SEL1L2: variants seen among roughly 807,000 people sequenced by gnomAD.
SEL1L2 encodes the protein protein sel-1 homolog 2.
SEL1L2 carries 89 observed loss-of-function variants against 98.8 expected under a neutral mutation model. That is an observed-to-expected ratio of 0.90 (90% confidence interval 0.76 to 1.07). SEL1L2 has a LOEUF of 1.07. Among genes scored for constraint, SEL1L2 ranks in the 50% least tolerant of loss-of-function variants. The pLI, the probability that SEL1L2 is intolerant of heterozygous loss-of-function variation, is 0.00. For synonymous variants in SEL1L2, 262 were observed against 278.5 expected, an observed-to-expected ratio of 0.94 and a Z score of 0.59; for missense variants, 788 against 812.0, an observed-to-expected ratio of 0.97 and a Z score of 0.36.
intron 5 of SEL1L2, among the ~76,000 whole-genome samples, chr20:13,897,936 CT>C (rs201309657): frequency 0.02 from 3,042 of 151,572 alleles, 49 homozygotes; most frequent in Non-Finnish European, 0.031. Context: ...AAGATGGCCA[CT>C]ATAAACACAC....
intron 5 of SEL1L2, among the ~76,000 whole-genome samples, chr20:13,892,145 T>C (rs942884260): frequency 6.6e-6 from 1 of 152,158 alleles, no homozygotes; most frequent in Admixed American, 6.5e-5. Context: ...ATCAGTTTAA[T>C]ATAGATTGTT....
intron 1 of SEL1L2, among the ~76,000 whole-genome samples, chr20:13,958,191 AAAT>A (rs978969083): frequency 7.2e-5 from 11 of 152,294 alleles, no homozygotes; most frequent in Admixed American, 7.2e-4. Context: ...TATGATAATT[AAAT>A]GAGATCGTTT....
At chr20:13,893,936 T>C (rs76783723) in intron 5 of SEL1L2, among the ~76,000 whole-genome samples, 4,671 of 151,100 alleles carry the variant, frequency 0.031, 115 homozygotes, top group Middle Eastern at 0.065. Context: ...AACAAATGAG[T>C]CAAAGAAGAA....
chr20:13,920,789 G>T (rs2048632272), intron 3 of SEL1L2, among the ~76,000 whole-genome samples: 1 of 152,002 alleles, frequency 6.6e-6, no homozygotes, highest in Non-Finnish European at 1.5e-5. Context: ...AGCAATCAGA[G>T]TTGCTCATTT....
At chr20:13,896,635 AG>A (rs1301801812) in intron 5 of SEL1L2, among the ~76,000 whole-genome samples, 1 of 152,208 alleles carries the variant, frequency 6.6e-6, no homozygotes, top group Non-Finnish European at 1.5e-5. Flanking sequence ...AATCCAAGGA[AG>A]AAAAGAAAAC....
intron 3 of SEL1L2, among the ~76,000 whole-genome samples, chr20:13,926,656 G>C (rs2048921157): frequency 3.3e-5 from 5 of 152,226 alleles, no homozygotes; most frequent in Admixed American, 3.3e-4. Flanking sequence ...TCTAGAGACT[G>C]TACTCCAGCA....
chr20:13,921,296 C>G (rs534633044), intron 3 of SEL1L2, among the ~76,000 whole-genome samples: 1 of 152,116 alleles, frequency 6.6e-6, no homozygotes, highest in Non-Finnish European at 1.5e-5. Context: ...CCTCAGCCTC[C>G]GAGTAGCTGG....
chr20:13,887,831 C>G lies in SEL1L2; in HGVS notation c.683G>C (p.Gly228Ala). The change falls in exon 8 of 20, where the codon GGA (glycine) becomes GCA (alanine). Residue 228 changes from glycine (G) to alanine (A), a missense_variant. Transcript: ENST00000284951. ...TTCACAATTCTGTAGAACATTGATT[C>G]CCGACAAATATCTGTACCCCTAAAA... is the stretch of plus-strand genomic sequence containing the variant. ...QMILGYRYLS[G>A]INVLQNCEVA... 2 of 1,613,372 alleles carry G rather than the reference C, an allele frequency of 1.2e-6. No individual in the cohort carries two copies. Among genetic ancestry groups the G allele is most frequent in the Non-Finnish European group, 1.7e-6 (2 of 1,179,564 alleles).
At chr20:13,988,093 T>G (rs78489913) in intron 1 of SEL1L2, among the ~76,000 whole-genome samples, 23,058 of 152,220 alleles carry the variant, frequency 0.15, 1,939 homozygotes, top group Admixed American at 0.22. Flanking sequence ...TCTAAGAGTT[T>G]TAAATCTTTA....
intron 5 of SEL1L2, among the ~76,000 whole-genome samples, chr20:13,908,262 C>T (rs536746412): frequency 6.6e-6 from 1 of 151,778 alleles, no homozygotes. Flanking sequence ...GACCAACAGG[C>T]ATGCACCATC....
chr20:13,867,016 A>C (rs1221922231), intron 14 of SEL1L2, among the ~76,000 whole-genome samples, 166 bp from the exon 15 acceptor site: 1 of 152,172 alleles, frequency 6.6e-6, no homozygotes, highest in Non-Finnish European at 1.5e-5. Context: ...GGGGGTGAAC[A>C]CTGAGTTTGG....
chr20:13,906,095 C>T lies in SEL1L2; in HGVS notation c.549+7687G>A, dbSNP rs138028267. ...TTCACTATGTTGGCCAGGCTGGTCT[C>T]GAACTCCTGACCTAAAATGATCTGC... On this transcript the variant is annotated intron_variant, in intron 5 of 19. Transcript: ENST00000284951. 7.1e-3 allele frequency among the ~76,000 whole-genome samples: 1,081 copies of T among 152,008 alleles called. 20 individuals are homozygous for T. The highest frequency in any genetic ancestry group is 0.027 in the Middle Eastern group (8 of 292).
intron 1 of SEL1L2, among the ~76,000 whole-genome samples, chr20:13,988,320 G>A (rs144059043): frequency 2.6e-5 from 4 of 152,178 alleles, no homozygotes; most frequent in Middle Eastern, 3.4e-3. Context: ...TTACAGATAC[G>A]AACCATTGTG....
intron 10 of SEL1L2, among the ~76,000 whole-genome samples, chr20:13,884,830 C>A (rs2046878253): frequency 6.6e-6 from 1 of 152,066 alleles, no homozygotes; most frequent in South Asian, 2.1e-4. Flanking sequence ...TTTAACCTCA[C>A]TGGGATAAGG....
chr20:13,901,050 T>C (rs1008938851), intron 5 of SEL1L2, among the ~76,000 whole-genome samples: 4 of 151,236 alleles, frequency 2.6e-5, no homozygotes, highest in Non-Finnish European at 1.5e-5. Flanking sequence ...TTTTTCCTTT[T>C]CTTTTTCTTT....
intron 14 of SEL1L2, among the ~76,000 whole-genome samples, chr20:13,867,763 A>G (rs1445154892): frequency 6.6e-6 from 1 of 152,110 alleles, no homozygotes; most frequent in East Asian, 1.9e-4. Context: ...AGCCATGACT[A>G]TTTTTCTTAT....
At chr20:13,929,156 C>T (rs1011910708) in intron 3 of SEL1L2, among the ~76,000 whole-genome samples, 2 of 152,170 alleles carry the variant, frequency 1.3e-5, no homozygotes, top group African/African-American at 2.4e-5. Context: ...GCCTGTTCTC[C>T]CTGAGAGCCT....
intron 5 of SEL1L2, 55 bp from the exon 6 acceptor site, chr20:13,888,567 C>A: frequency 1.1e-6 from 1 of 875,622 alleles, no homozygotes; most frequent in South Asian, 1.5e-5. Flanking sequence ...TCCTAATTAT[C>A]TATATGGATA....
rs537530494 is a variant in SEL1L2 at position 13,896,462 on chromosome 20, G to A, written c.550-7950C>T. Among the ~76,000 whole-genome samples the A allele has an allele frequency of 4.7e-4, 71 of 151,450 alleles. 4 individuals are homozygous for A. The South Asian group carries it at 0.014, about 29-fold the overall frequency. On this transcript the variant is annotated intron_variant, in intron 5 of 19. Coordinates refer to ENST00000284951, the MANE Select transcript of SEL1L2 (RefSeq NM_025229.2). ...TCCAGCCTGGGCGACAGAGTGGGAC[G>A]CAGTCTCAAAACAAAAACAAAAACA...
Sources: gnomAD v4.1 joint callset for allele counts (sites outside exome capture counted in the v4.1 genomes callset) on GRCh38, gnomAD v4.1.1 for gene constraint, MANE v1.5 for transcripts, NCBI Gene and HGNC (gene_info 2026-07-23, HGNC 2026-07-21) for gene names.